The following DNAH9 variants were observed in gnomAD, a reference collection of about 807,000 sequenced individuals.
DNAH9 encodes the protein DNAH9 variant protein.
Under a neutral mutation model 471.6 loss-of-function variants are expected in DNAH9, and 345 were observed. The ratio of observed to expected loss-of-function variants is 0.73; its 90% CI spans 0.67 to 0.80. DNAH9 has a LOEUF of 0.80. Among genes scored for constraint, DNAH9 ranks in the 30% least tolerant of loss-of-function variants. The pLI is 0.00. For synonymous variants in DNAH9, 2,093 were observed against 2,123.6 expected (o/e 0.99, Z 0.40); for missense variants, 5,407 against 5,609.2 (o/e 0.96, Z 1.15).
intron 42 of DNAH9, among the ~76,000 whole-genome samples, chr17:11,795,159 G>T (rs1597657388): frequency 6.6e-6 from 1 of 152,046 alleles, no homozygotes; most frequent in Middle Eastern, 3.4e-3. Flanking sequence ...AAATGTATTG[G>T]ACCCTAAAAT....
intron 49 of DNAH9, among the ~76,000 whole-genome samples, chr17:11,841,993 C>T (rs959376336): frequency 1.3e-5 from 2 of 151,978 alleles, no homozygotes; most frequent in African/African-American, 4.8e-5. Context: ...TCTTTTTATA[C>T]AGTTTCTCAT....
intron 26 of DNAH9, among the ~76,000 whole-genome samples, chr17:11,718,620 G>A (rs888237699): frequency 2.0e-5 from 3 of 152,208 alleles, no homozygotes; most frequent in African/African-American, 7.2e-5. Context: ...TGGATTGAAT[G>A]TGATCCATTC....
At chr17:11,946,660 T>A (rs1244559751) in intron 67 of DNAH9, among the ~76,000 whole-genome samples, 2 of 93,736 alleles carry the variant, frequency 2.1e-5, no homozygotes, top group South Asian at 3.7e-4. Flanking sequence ...CAAGACTCCA[T>A]CTCAAAAAAA....
intron 60 of DNAH9, among the ~76,000 whole-genome samples, chr17:11,905,126 C>T (rs555921238): frequency 2.0e-5 from 3 of 151,430 alleles, no homozygotes; most frequent in South Asian, 2.1e-4. Context: ...CCCAGCTACT[C>T]GGGAGGCTGA....
In DNAH9 at chr17:11,805,341, C is replaced by T. The variant is rs566278437; in HGVS notation, c.8421-2391C>T. 6.6e-5 allele frequency among the ~76,000 whole-genome samples: 10 copies of T among 152,130 alleles called. No individual in the cohort carries two copies. The South Asian group carries it at 1.7e-3, about 25-fold the overall frequency. ...GCGTTGAACCCCACCCACCAAAACC[C>T]GTGTCCAGAGTTTCTTCCAAACTGG... On this transcript the variant is annotated intron_variant, in intron 43 of 68. Transcript: ENST00000262442.
At chr17:11,758,402 C>T (rs1456828087) in intron 35 of DNAH9, among the ~76,000 whole-genome samples, 1 of 152,162 alleles carries the variant, frequency 6.6e-6, no homozygotes, top group African/African-American at 2.4e-5. Flanking sequence ...TTTGATGCAT[C>T]ATTCTGTGAA....
chr17:11,758,054 C>T (rs1004323677), intron 35 of DNAH9, among the ~76,000 whole-genome samples: 1 of 152,174 alleles, frequency 6.6e-6, no homozygotes, highest in Non-Finnish European at 1.5e-5. Flanking sequence ...AATCCATAGG[C>T]CAGATCAACA....
At chr17:11,804,698 C>T (rs180914000) in intron 43 of DNAH9, among the ~76,000 whole-genome samples, 3 of 152,022 alleles carry the variant, frequency 2.0e-5, no homozygotes, top group African/African-American at 7.2e-5. Flanking sequence ...CCTGGTGAAA[C>T]CCCATCTCTA....
chr17:11,765,936 T>A (rs934515221), intron 36 of DNAH9, among the ~76,000 whole-genome samples: 1 of 152,110 alleles, frequency 6.6e-6, no homozygotes, highest in Non-Finnish European at 1.5e-5. Flanking sequence ...AGTATCAGGA[T>A]GAAAATATGT....
Position 11,786,108 on chromosome 17 carries a change from G to A in DNAH9, c.8061+1569G>A, listed in dbSNP as rs1968860319. On this transcript the variant is annotated intron_variant, in intron 41 of 68. Transcript: ENST00000262442. ...ATGAAAAAAAAAAGAAGTTAACATT[G>A]TTTGATCAAATCTACACTGCTCCTA... 2.0e-5 allele frequency among the ~76,000 whole-genome samples: 3 copies of A among 151,810 alleles called. No individual in the cohort carries two copies. The South Asian group carries it at 6.2e-4, about 31-fold the overall frequency.
chr17:11,943,505 C>T (rs1216379107), intron 67 of DNAH9, among the ~76,000 whole-genome samples: 1 of 152,066 alleles, frequency 6.6e-6, no homozygotes, highest in African/African-American at 2.4e-5. Context: ...GGTGAAACCC[C>T]GTCTCTACTA....
chr17:11,606,004 C>T (rs1350980605), intron 1 of DNAH9, among the ~76,000 whole-genome samples: 1 of 121,174 alleles, frequency 8.3e-6, no homozygotes, highest in Non-Finnish European at 2.0e-5. Flanking sequence ...AGAGTCCCTG[C>T]CTTTGAGATC....
At chr17:11,766,610 CA>C (rs1302265027) in intron 36 of DNAH9, among the ~76,000 whole-genome samples, 1 of 152,142 alleles carries the variant, frequency 6.6e-6, no homozygotes, top group African/African-American at 2.4e-5. Flanking sequence ...TGTGAGAGCC[CA>C]GGGGACATGG....
chr17:11,902,397 A>T (rs1043010241), intron 59 of DNAH9, among the ~76,000 whole-genome samples: 6 of 152,222 alleles, frequency 3.9e-5, no homozygotes, highest in African/African-American at 1.2e-4. Flanking sequence ...CCAAGCTTCA[A>T]GACCAGAATA....
chr17:11,620,316 C>A (rs1025010790), intron 6 of DNAH9, among the ~76,000 whole-genome samples: 5 of 151,808 alleles, frequency 3.3e-5, no homozygotes, highest in African/African-American at 9.7e-5. Context: ...AGTTCGAGAC[C>A]AGTCTGGTCA....
Position 11,891,798 on chromosome 17 carries a change from A to G in DNAH9, c.11134A>G (p.Lys3712Glu), listed in dbSNP as rs1338728450. ...CCAGGCCTTCAGTATCGTCTTCCAG[A>G]AGGCTGTGGAGAGGGCTGCTCCTGA... is the stretch of plus-strand genomic sequence containing the variant. ...SLKAFSIVFQKAVERAAPDES... is the reference protein window; with the variant it reads ...SLKAFSIVFQEAVERAAPDES... Residue 3712 changes from lysine to glutamate, a missense_variant, in exon 58 of 69, where the codon AAG becomes GAG. This residue lies in a region of DNAH9 where 4,636 missense variants were observed against 4,900.3 expected (regional missense o/e 0.95). Transcript: ENST00000262442. 6.2e-7 allele frequency: 1 copy of G among 1,613,914 alleles called. No individual in the cohort carries two copies. The highest frequency in any genetic ancestry group is 1.3e-5 in the African/African-American group (1 of 74,884).
At chr17:11,647,711 C>T (rs1028545262) in intron 12 of DNAH9, among the ~76,000 whole-genome samples, 10 of 152,258 alleles carry the variant, frequency 6.6e-5, no homozygotes, top group African/African-American at 1.4e-4. Context: ...AAGGAACCCA[C>T]GGTCTAGTTG....
intron 19 of DNAH9, among the ~76,000 whole-genome samples, chr17:11,683,239 T>C (rs1472625043): frequency 6.6e-6 from 1 of 152,198 alleles, no homozygotes; most frequent in Non-Finnish European, 1.5e-5. Context: ...AATGGCACGA[T>C]CTCGGCTCAC....
chr17:11,765,237 T>C (rs573195324), intron 36 of DNAH9, among the ~76,000 whole-genome samples: 1 of 152,284 alleles, frequency 6.6e-6, no homozygotes, highest in East Asian at 1.9e-4. Flanking sequence ...CTAGTAAAAA[T>C]ATTCAGTTCT....
Sources: allele counts gnomAD v4.1 joint callset (sites outside exome capture counted in the v4.1 genomes callset), GRCh38; gene constraint gnomAD v4.1.1; regional missense constraint gnomAD v4.1.1; transcripts MANE v1.5; gene names NCBI Gene and HGNC (gene_info 2026-07-23, HGNC 2026-07-21).